MDN1: variants seen among roughly 807,000 people sequenced by gnomAD.
The protein encoded by MDN1 is midasin AAA ATPase 1.
A neutral mutation model predicts 669.2 loss-of-function variants in MDN1; 266 were observed. The ratio of observed to expected loss-of-function variants is 0.40; its 90% CI spans 0.36 to 0.44. MDN1 has a LOEUF of 0.44. Among genes scored for constraint, MDN1 ranks in the 20% least tolerant of loss-of-function variants. The pLI is 1.00. For missense variants in MDN1, 5,940 were observed against 6,754.0 expected (o/e 0.88, Z 4.22); for synonymous variants, 2,385 against 2,457.1 (o/e 0.97, Z 0.87).
chr6:89,761,656 C>T lies in MDN1; in HGVS notation c.2449G>A (p.Ala817Thr), dbSNP rs753747223. 6.8e-6 allele frequency: 11 copies of T among 1,606,270 alleles called. No individual in the cohort carries two copies. Among genetic ancestry groups the T allele is most frequent in the African/African-American group, 1.3e-5 (1 of 74,626 alleles). Residue 817 changes from alanine to threonine, a missense_variant, in exon 17 of 102, where the codon GCA (alanine) becomes ACA (threonine). Ala to Thr is a moderately conservative substitution (Grantham distance 58). Around this residue, in one of 5 missense-constraint regions of MDN1, gnomAD observed 1,203 missense variants for 1,268.9 expected, o/e 0.95. Transcript: ENST00000369393. ...AAAAACAGAAATACCTCTACAAATGCGAACAATAAGGTATTTTCAGTCATT... is the reference window on the plus strand; with the variant it reads ...AAAAACAGAAATACCTCTACAAATGTGAACAATAAGGTATTTTCAGTCATT... Reference protein sequence around the residue: ...MKMTENTLLFAFVEGTLAQAV... With the variant: ...MKMTENTLLFTFVEGTLAQAV...
In MDN1 at chr6:89,732,620, T is replaced by G; in HGVS notation, c.4879A>C (p.Ile1627Leu). ...EEAALKRPEI[I>L]STVTSFVHAA... ...TGGACAAAAGATGTCACAGTGGAGA[T>G]GATCTCTGGCCTTTTCAAAGCAGCT... Residue 1627 changes from isoleucine to leucine, a missense_variant, in exon 34 of 102, where the codon ATC (isoleucine) becomes CTC (leucine). Transcript: ENST00000369393. 6.2e-7 allele frequency: 1 copy of G among 1,614,102 alleles called. No homozygotes were observed. The highest frequency in any genetic ancestry group is 8.5e-7 in the Non-Finnish European group (1 of 1,179,994).
rs2128314068 is a variant in MDN1 at position 89,725,403 on chromosome 6, A to G, written c.5473-7T>C. The G allele has an allele frequency of 1.2e-6, 2 of 1,608,284 alleles. No homozygotes were observed. The highest frequency in any genetic ancestry group is 2.2e-5 in the East Asian group (1 of 44,798). On this transcript the variant is annotated splice_polypyrimidine_tract_variant and splice_region_variant and intron_variant, in intron 37 of 101. Transcript: ENST00000369393. Reference sequence around the variant, plus strand: ...ACTGAGAAGCCAGGTTAAGCTATTTAAAGAAGAAAGTACATAATTTGTCTC... The same window carrying G: ...ACTGAGAAGCCAGGTTAAGCTATTTGAAGAAGAAAGTACATAATTTGTCTC...
Position 89,648,027 on chromosome 6 carries a change from C to T in MDN1, c.16395+5G>A, listed in dbSNP as rs1808595769. The T allele has an allele frequency of 1.9e-6, 3 of 1,601,978 alleles. No homozygotes were observed. Among genetic ancestry groups the T allele is most frequent in the Non-Finnish European group, 2.6e-6 (3 of 1,168,848 alleles). ...TGCAGAAGACATTTTATTTCATCCT[C>T]TTACCTGAGCAATCTTGGTTTTCTT... On this transcript the variant is annotated splice_donor_5th_base_variant and intron_variant, in intron 99 of 101. Transcript: ENST00000369393.
chr6:89,800,951 G>C (rs1180018484), intron 2 of MDN1, among the ~76,000 whole-genome samples: 2 of 152,228 alleles, frequency 1.3e-5, no homozygotes, highest in Non-Finnish European at 2.9e-5. Context: ...TAGAAGTGAA[G>C]TGTTCTGCAA....
At chr6:89,696,055 A>G (rs967344431) in intron 60 of MDN1, 63 bp from the exon 61 acceptor site, 1 of 1,524,442 alleles carries the variant, frequency 6.6e-7, no homozygotes, top group Non-Finnish European at 8.8e-7. Flanking sequence ...TCCTTTTCAT[A>G]CAGTATAATT....
chr6:89,648,118 G>T lies in MDN1; in HGVS notation c.16309C>A (p.Pro5437Thr). The change falls in exon 99 of 102, where the codon CCA becomes ACA. Residue 5437 changes from proline (P) to threonine (T), a missense_variant. By Grantham distance (38) the Pro-to-Thr change is conservative. Transcript: ENST00000369393. Reference sequence around the variant, plus strand: ...TAATCACTGAACTGCTCATGAAATGGGTGTAACAGCTTTACAGATTCTCCA... The same window carrying T: ...TAATCACTGAACTGCTCATGAAATGTGTGTAACAGCTTTACAGATTCTCCA... Reference protein sequence around the residue: ...SFGESVKLLHPFHEQFSDYSG... With the variant: ...SFGESVKLLHTFHEQFSDYSG... 6.2e-7 allele frequency: 1 copy of T among 1,613,964 alleles called. No individual in the cohort carries two copies. The highest frequency in any genetic ancestry group is 8.5e-7 in the Non-Finnish European group (1 of 1,179,894).
At chr6:89,707,627 G>A in intron 51 of MDN1, 151 bp from the exon 52 acceptor site, 3 of 633,664 alleles carry the variant, frequency 4.7e-6, no homozygotes. Context: ...AAGAGATGGA[G>A]ATGAAAGTGA....
chr6:89,764,664 A>C (rs1247182781), intron 15 of MDN1, among the ~76,000 whole-genome samples: 1 of 152,168 alleles, frequency 6.6e-6, no homozygotes, highest in Non-Finnish European at 1.5e-5. Flanking sequence ...AAGGATACCT[A>C]AGTCAAGCAA....
At chr6:89,814,144 A>G (rs563202991) in intron 1 of MDN1, among the ~76,000 whole-genome samples, 1 of 152,244 alleles carries the variant, frequency 6.6e-6, no homozygotes, top group African/African-American at 2.4e-5. Flanking sequence ...ATCCTTCTCC[A>G]TTCAGTCAAG....
At chr6:89,729,260 G>T in intron 35 of MDN1, 121 bp from the exon 36 acceptor site, 1 of 742,828 alleles carries the variant, frequency 1.3e-6, no homozygotes, top group Non-Finnish European at 2.2e-6. Flanking sequence ...ACCATTTGCA[G>T]TGAAAATGTT....
Position 89,684,901 on chromosome 6 carries a change from C to T in MDN1, c.11804G>A (p.Arg3935His), listed in dbSNP as rs542728437. 53 of 1,610,768 alleles carry T rather than the reference C, an allele frequency of 3.3e-5. No homozygotes were observed. The highest frequency in any genetic ancestry group is 1.7e-4 in the Middle Eastern group (1 of 6,056). ...DRVQAKIVEL[R>H]SPLEKELKEF... ...TTTAAGTTCTTTTTCTAGGGGGGAA[C>T]GAAGTTCCACAATTTTGGCCTGGAC... Residue 3935 changes from arginine to histidine, a missense_variant, in exon 71 of 102, where the codon CGT becomes CAT. Arg to His is a conservative substitution (Grantham distance 29). Transcript: ENST00000369393.
chr6:89,738,766 C>T (rs117586841), intron 32 of MDN1, among the ~76,000 whole-genome samples: 4,412 of 152,224 alleles, frequency 0.029, 90 homozygotes, highest in Middle Eastern at 0.054. Flanking sequence ...AAAGATTCTT[C>T]CTTTTACTTT....
chr6:89,677,558 A>C lies in MDN1; in HGVS notation c.12539+12T>G, dbSNP rs1436380028. On this transcript the variant is annotated intron_variant, in intron 76 of 101. Transcript: ENST00000369393. ...TATAAGTAGGGAAAAAACAAAACAA[A>C]AACAGACAAACCTAGAATCAGCCTC... 2 of 1,612,968 alleles carry C rather than the reference A, an allele frequency of 1.2e-6. No individual in the cohort carries two copies. Among genetic ancestry groups the C allele is most frequent in the Non-Finnish European group, 1.7e-6 (2 of 1,179,642 alleles).
At position 89,750,406 on chromosome 6, in the gene MDN1, C is replaced by A; in HGVS notation, c.3354G>T (p.Glu1118Asp). ...INNHEHTDIQ[E>D]YIGCYTSDSS... Reference sequence around the variant, plus strand: ...AGTCAGACGTGTAACAACCAATGTACTCCTGAATATCCGTGTGTTCGTGAT... The same window carrying A: ...AGTCAGACGTGTAACAACCAATGTAATCCTGAATATCCGTGTGTTCGTGAT... Residue 1118 changes from glutamate (E) to aspartate (D), a missense_variant, in exon 24 of 102, where the codon GAG becomes GAT. Transcript: ENST00000369393. 2 of 1,614,040 alleles carry A rather than the reference C, an allele frequency of 1.2e-6. No individual in the cohort carries two copies. Among genetic ancestry groups the A allele is most frequent in the Non-Finnish European group, 1.7e-6 (2 of 1,179,894 alleles).
rs140681186 is a variant in MDN1, at chr6:89,762,497, T to C, written c.2178A>G (p.Leu726=). ...YKPVDHKLIW[L]PLREAFEELF... is the part of the protein sequence containing the mutation. Reference sequence around the variant, plus strand: ...GTTCCTCAAATGCCTCCCGTAAGGGTAGCCAAATAAGCTTATGGTCCACCG... The same window carrying C: ...GTTCCTCAAATGCCTCCCGTAAGGGCAGCCAAATAAGCTTATGGTCCACCG... Residue 726 remains leucine, a synonymous_variant, in exon 16 of 102, where the codon CTA becomes CTG. Coordinates refer to ENST00000369393, the MANE Select transcript of MDN1 (RefSeq NM_014611.3). 9 of 1,613,820 alleles carry C rather than the reference T, an allele frequency of 5.6e-6. No individual in the cohort carries two copies. Among genetic ancestry groups the C allele is most frequent in the African/African-American group, 5.3e-5 (4 of 74,900 alleles).
Position 89,729,076 on chromosome 6 carries a change from T to C in MDN1, c.5204A>G (p.Asn1735Ser). ...YALSAGTTAM[N>S]AQRLLRATKL... ...GGTAGCTCTTAAGAGCCTCTGTGCA[T>C]TCATAGCAGTGGTCCCTGCACTGAG... Residue 1735 changes from asparagine (N) to serine (S), a missense_variant, in exon 36 of 102, where the codon AAT becomes AGT. Around this residue, in one of 5 missense-constraint regions of MDN1, gnomAD observed 2,292 missense variants for 2,638.3 expected, o/e 0.87. Transcript: ENST00000369393. 1.2e-6 allele frequency: 2 copies of C among 1,614,046 alleles called. No individual in the cohort carries two copies. The highest frequency in any genetic ancestry group is 1.7e-6 in the Non-Finnish European group (2 of 1,180,006).
intron 2 of MDN1, among the ~76,000 whole-genome samples, chr6:89,797,029 T>C (rs1819644441): frequency 2.0e-5 from 3 of 149,570 alleles, no homozygotes; most frequent in Middle Eastern, 3.5e-3. Context: ...GACAGCACCA[T>C]TGCACTCCAG....
chr6:89,774,149 T>C (rs1249154748), intron 13 of MDN1, among the ~76,000 whole-genome samples: 1 of 152,150 alleles, frequency 6.6e-6, no homozygotes, highest in Non-Finnish European at 1.5e-5. Flanking sequence ...TTATGGTAAT[T>C]TGTTATGGCA....
At chr6:89,646,466 G>T in intron 100 of MDN1, 74 bp downstream of exon 100, 1 of 1,285,932 alleles carries the variant, frequency 7.8e-7, no homozygotes, top group Non-Finnish European at 1.1e-6. Context: ...GGGACACTGA[G>T]CTGAAGCAAG....
Sources: allele counts gnomAD v4.1 joint callset (sites outside exome capture counted in the v4.1 genomes callset), GRCh38; gene constraint gnomAD v4.1.1; regional missense constraint gnomAD v4.1.1; transcripts MANE v1.5; gene names NCBI Gene and HGNC (gene_info 2026-07-23, HGNC 2026-07-21).